The following LSAMP variants were observed in gnomAD, a reference collection of about 807,000 sequenced individuals.
LSAMP encodes limbic system associated membrane protein.
LSAMP carries 7 observed loss-of-function variants against 38.6 expected under a neutral mutation model. That is an observed-to-expected ratio of 0.18 (90% CI 0.10 to 0.34). The LOEUF (loss-of-function observed/expected upper bound fraction) is 0.34. LSAMP is among the 10% of genes least tolerant of loss of function. The pLI is 1.00. For missense variants in LSAMP, 313 were observed against 420.0 expected (o/e 0.75, Z 2.23); for synonymous variants, 154 against 166.8 (o/e 0.92, Z 0.59).
At chr3:115,818,790 TTATATATATATATATATATATA>T (rs66654115) in intron 6 of LSAMP, among the ~76,000 whole-genome samples, 4 of 69,786 alleles carry the variant, frequency 5.7e-5, no homozygotes, top group Non-Finnish European at 1.2e-4. Flanking sequence ...AGTTGTACTT[TTATATATATATATATATATATA>T]TATATATATA....
chr3:116,176,814 G>A (rs569944881), intron 1 of LSAMP, among the ~76,000 whole-genome samples: 1 of 152,238 alleles, frequency 6.6e-6, no homozygotes, highest in South Asian at 2.1e-4. Context: ...GTCTACATAA[G>A]TGACTTTCAA....
chr3:115,957,035 T>G (rs2107587319), intron 3 of LSAMP, among the ~76,000 whole-genome samples: 1 of 152,332 alleles, frequency 6.6e-6, no homozygotes. Flanking sequence ...CCTCAAAGTT[T>G]TATATTTGTC....
At chr3:116,092,537 A>C (rs1361055738) in intron 1 of LSAMP, among the ~76,000 whole-genome samples, 1 of 152,220 alleles carries the variant, frequency 6.6e-6, no homozygotes, top group Non-Finnish European at 1.5e-5. Context: ...TAAAAAAATT[A>C]GGAAAGGTAA....
intron 1 of LSAMP, among the ~76,000 whole-genome samples, chr3:116,131,274 A>G (rs1709127556): frequency 6.6e-6 from 1 of 151,740 alleles, no homozygotes; most frequent in African/African-American, 2.4e-5. Context: ...TACAGACGTG[A>G]GCCACCTCGC....
chr3:116,338,468 G>C, intron 1 of LSAMP, among the ~76,000 whole-genome samples: 1 of 151,892 alleles, frequency 6.6e-6, no homozygotes. Flanking sequence ...CTCCACATAC[G>C]ATCTTGATGT....
chr3:115,853,930 A>G (rs1488002744), intron 3 of LSAMP, among the ~76,000 whole-genome samples: 2 of 152,192 alleles, frequency 1.3e-5, no homozygotes, highest in African/African-American at 4.8e-5. Flanking sequence ...GAATTCCTCA[A>G]TGACCAAATC....
intron 3 of LSAMP, among the ~76,000 whole-genome samples, chr3:115,985,842 C>T (rs574044420): frequency 2.6e-5 from 4 of 152,278 alleles, no homozygotes; most frequent in South Asian, 2.1e-4. Context: ...CCACAGCTGA[C>T]GGTTTGGTTG....
chr3:116,034,772 A>G (rs1364751952), intron 2 of LSAMP, among the ~76,000 whole-genome samples: 2 of 152,154 alleles, frequency 1.3e-5, no homozygotes, highest in Non-Finnish European at 2.9e-5. Flanking sequence ...TCCTCTAATG[A>G]TTACAGGCTG....
chr3:116,301,455 G>A (rs1275253506), intron 1 of LSAMP, among the ~76,000 whole-genome samples: 1 of 152,182 alleles, frequency 6.6e-6, no homozygotes, highest in Non-Finnish European at 1.5e-5. Context: ...CAAGGAAGAT[G>A]ATAGAAGATT....
At chr3:116,439,700 A>G (rs1450799224) in intron 1 of LSAMP, among the ~76,000 whole-genome samples, 2 of 152,230 alleles carry the variant, frequency 1.3e-5, no homozygotes, top group Non-Finnish European at 2.9e-5. Context: ...TAGGGTAACT[A>G]AAATAGATAG....
intron 1 of LSAMP, among the ~76,000 whole-genome samples, chr3:116,211,254 A>T (rs1189407559): frequency 2.0e-5 from 3 of 152,214 alleles, no homozygotes; most frequent in African/African-American, 7.2e-5. Context: ...GCAAGAATAA[A>T]TCTAAGATAC....
chr3:116,335,561 C>T (rs1312602996), intron 1 of LSAMP, among the ~76,000 whole-genome samples: 2 of 152,032 alleles, frequency 1.3e-5, no homozygotes, highest in African/African-American at 4.8e-5. Context: ...GAAACTTTTG[C>T]ATATGCAGAT....
chr3:115,857,169 C>A (rs147921855), intron 3 of LSAMP, among the ~76,000 whole-genome samples: 1 of 152,198 alleles, frequency 6.6e-6, no homozygotes, highest in Admixed American at 6.5e-5. Flanking sequence ...GACACAGGCA[C>A]GATACAATCT....
intron 4 of LSAMP, among the ~76,000 whole-genome samples, chr3:115,844,683 A>G (rs1935099681): frequency 6.6e-6 from 1 of 152,158 alleles, no homozygotes; most frequent in Admixed American, 6.5e-5. Flanking sequence ...TTCCTTATCT[A>G]TAAAATGTTG....
chr3:116,114,010 A>T (rs1708688077), intron 1 of LSAMP, among the ~76,000 whole-genome samples: 1 of 152,160 alleles, frequency 6.6e-6, no homozygotes, highest in African/African-American at 2.4e-5. Context: ...CTATGTTGAA[A>T]ATGTTGAACT....
intron 3 of LSAMP, among the ~76,000 whole-genome samples, chr3:115,931,552 G>C (rs1937580812): frequency 6.6e-6 from 1 of 152,158 alleles, no homozygotes; most frequent in African/African-American, 2.4e-5. Context: ...GTCCTGTTTA[G>C]AGCGTGTCTC....
At chr3:116,291,802 C>A (rs1053026041) in intron 1 of LSAMP, among the ~76,000 whole-genome samples, 6 of 152,148 alleles carry the variant, frequency 3.9e-5, no homozygotes, top group Non-Finnish European at 8.8e-5. Flanking sequence ...CAGACACATC[C>A]ATTTTCAGGC....
At chr3:116,185,952 C>T (rs990139368) in intron 1 of LSAMP, among the ~76,000 whole-genome samples, 6 of 150,662 alleles carry the variant, frequency 4.0e-5, no homozygotes, top group African/African-American at 1.2e-4. Context: ...ATGATTTTCT[C>T]CTGGAAGGAA....
At chr3:116,010,148 C>T (rs1285007838) in intron 3 of LSAMP, among the ~76,000 whole-genome samples, 1 of 152,124 alleles carries the variant, frequency 6.6e-6, no homozygotes. Flanking sequence ...AACTCCTGAC[C>T]TCAAGTGATC....
Sources: gnomAD v4.1 joint callset for allele counts (sites outside exome capture counted in the v4.1 genomes callset) on GRCh38, gnomAD v4.1.1 for gene constraint, MANE v1.5 for transcripts, NCBI Gene and HGNC (gene_info 2026-07-23, HGNC 2026-07-21) for gene names.